Variants in CNNM2 observed in about 807,000 individuals in gnomAD.
CNNM2 encodes cyclin and CBS domain divalent metal cation transport mediator 2, also known as metal transporter CNNM2.
A neutral mutation model predicts 66.9 loss-of-function variants in CNNM2; 12 were observed. The observed-to-expected ratio is 0.18, with a 90% CI of 0.11 to 0.29. The LOEUF (loss-of-function observed/expected upper bound fraction) is 0.29. Ranked by LOEUF, CNNM2 falls within the 10% of genes least tolerant of loss-of-function variation. The probability of loss-of-function intolerance (pLI) is 1.00; values close to 1 mark genes in which losing one functional copy is unlikely to be tolerated. For missense variants in CNNM2, 705 were observed against 1,167.7 expected (o/e 0.60, Z 5.77); for synonymous variants, 557 against 501.8 (o/e 1.11, Z -1.47).
At chr10:102,996,525 G>A (rs938828734) in intron 1 of CNNM2, among the ~76,000 whole-genome samples, 12 of 152,062 alleles carry the variant, frequency 7.9e-5, no homozygotes, top group African/African-American at 1.7e-4. Context: ...GGCAACATAG[G>A]GAGACCTTGT....
At chr10:102,952,612 C>G (rs1267576913) in intron 1 of CNNM2, among the ~76,000 whole-genome samples, 1 of 140,650 alleles carries the variant, frequency 7.1e-6, no homozygotes, top group Non-Finnish European at 1.5e-5. Flanking sequence ...TAGTGAGACC[C>G]TGTCTCTACC....
At chr10:103,056,109 TA>T (rs1019986235) in intron 3 of CNNM2, among the ~76,000 whole-genome samples, 4 of 148,494 alleles carry the variant, frequency 2.7e-5, no homozygotes, top group African/African-American at 7.4e-5. Context: ...AAATTTAAAT[TA>T]AAAAAAAAGA....
intron 1 of CNNM2, among the ~76,000 whole-genome samples, chr10:102,923,278 G>A (rs1845724327): frequency 6.6e-6 from 1 of 152,162 alleles, no homozygotes; most frequent in Admixed American, 6.5e-5. Context: ...CATGATGATG[G>A]TGATGATTAT....
At chr10:102,985,510 C>G (rs372387020) in intron 1 of CNNM2, among the ~76,000 whole-genome samples, 8 of 152,232 alleles carry the variant, frequency 5.3e-5, no homozygotes, top group African/African-American at 9.6e-5. Flanking sequence ...AAGGGAATGG[C>G]TCTAAACTAA....
chr10:103,018,228 G>A (rs1388901381), intron 1 of CNNM2, among the ~76,000 whole-genome samples: 1 of 152,124 alleles, frequency 6.6e-6, no homozygotes, highest in African/African-American at 2.4e-5. Flanking sequence ...AGAGGTATGG[G>A]GGTGGTGAGA....
chr10:103,015,522 C>G (rs534275919), intron 1 of CNNM2, among the ~76,000 whole-genome samples: 1 of 152,280 alleles, frequency 6.6e-6, no homozygotes, highest in African/African-American at 2.4e-5. Flanking sequence ...ATACCGAGGA[C>G]CATCTCTAGC....
chr10:103,072,999 T>C (rs2065618250), intron 6 of CNNM2, among the ~76,000 whole-genome samples: 1 of 152,226 alleles, frequency 6.6e-6, no homozygotes, highest in Non-Finnish European at 1.5e-5. Context: ...ATGAAGAATG[T>C]GGACCTTTAT....
At chr10:103,071,559 G>C (rs887749576) in intron 5 of CNNM2, among the ~76,000 whole-genome samples, 1 of 152,164 alleles carries the variant, frequency 6.6e-6, no homozygotes, top group East Asian at 1.9e-4. Context: ...CAAACTCGTG[G>C]GTAGGATTTC....
chr10:102,935,646 GC>G (rs1846211654), intron 1 of CNNM2, among the ~76,000 whole-genome samples: 1 of 115,210 alleles, frequency 8.7e-6, no homozygotes, highest in South Asian at 2.7e-4. Context: ...TTGCTCTATT[GC>G]CCAGGATGGA....
chr10:103,028,694 A>G (rs543309030), intron 1 of CNNM2, among the ~76,000 whole-genome samples: 1 of 151,864 alleles, frequency 6.6e-6, no homozygotes, highest in East Asian at 1.9e-4. Context: ...TGTTTACTTC[A>G]TTGTGTCCCA....
intron 1 of CNNM2, among the ~76,000 whole-genome samples, chr10:102,971,027 C>CAA (rs201268107): frequency 2.4e-5 from 3 of 122,528 alleles, no homozygotes; most frequent in Non-Finnish European, 5.3e-5. Context: ...CCTGTCTCTA[C>CAA]AAAAAAAAAA....
At chr10:102,969,241 T>G (rs964430557) in intron 1 of CNNM2, among the ~76,000 whole-genome samples, 1 of 148,134 alleles carries the variant, frequency 6.8e-6, no homozygotes, top group African/African-American at 2.5e-5. Flanking sequence ...TGAGGCGGAG[T>G]CTCGCCCTGT....
At chr10:103,010,744 C>G (rs2064326491) in intron 1 of CNNM2, among the ~76,000 whole-genome samples, 1 of 152,012 alleles carries the variant, frequency 6.6e-6, no homozygotes, top group South Asian at 2.1e-4. Context: ...TCCGGAGTAG[C>G]TGGGATTATA....
chr10:102,979,043 A>G (rs1328402874), intron 1 of CNNM2, among the ~76,000 whole-genome samples: 1 of 152,162 alleles, frequency 6.6e-6, no homozygotes, highest in Non-Finnish European at 1.5e-5. Flanking sequence ...GGGCATTCAG[A>G]TAGTTCCCGG....
rs1223569721 is a variant in CNNM2, at chr10:103,077,489, TC to T, written c.*310del. 8.6e-6 allele frequency: 3 copies of T among 348,250 alleles called. No individual in the cohort carries two copies. Among genetic ancestry groups the T allele is most frequent in the African/African-American group, 6.2e-5 (3 of 48,740 alleles). 21.6% of individuals were successfully genotyped at this position (348,250 alleles called of 1,614,324 possible). A position where few individuals can be genotyped will look rare whatever the true frequency, so the allele number is the denominator to read the frequency against. ...TATCATTATTCACACTCCTCTGCCC[TC>T]GATTTGCATGAAGTTGAAAATTGTT... On this transcript the variant is annotated 3_prime_UTR_variant, in exon 8 of 8. Coordinates refer to ENST00000369878, the MANE Select transcript of CNNM2 (RefSeq NM_017649.5).
intron 1 of CNNM2, among the ~76,000 whole-genome samples, chr10:103,013,943 G>A (rs371776346): frequency 2.0e-5 from 3 of 152,144 alleles, no homozygotes; most frequent in African/African-American, 4.8e-5. Flanking sequence ...AGCTCTCATC[G>A]TCTAATCCCA....
In CNNM2 at chr10:103,076,847, G is replaced by A. The variant is rs961060085; in HGVS notation, c.2419-124G>A. On this transcript the variant is annotated intron_variant, in intron 7 of 7. Transcript: ENST00000369878. ...TGAACTTGACAAAGTGGCTCACTGC[G>A]CTCAAGTGTGATTTTCTCCTAGAGA... The A allele has an allele frequency of 8.5e-5, 71 of 838,782 alleles. No individual in the cohort carries two copies. In the Admixed American group the frequency reaches 1.3e-3, roughly 15 times the overall value. The allele number at this position is 838,782 out of a possible 1,614,324, so 52.0% of individuals were successfully genotyped here. A position where few individuals can be genotyped will look rare whatever the true frequency, so the allele number is the denominator to read the frequency against.
chr10:103,088,556 T>C lies in CNNM2; in HGVS notation c.*11376T>C, dbSNP rs2065985736. The stretch of plus-strand genomic sequence containing the variant: ...GCATGCACCACCACGCCCAGGTAAT[T>C]TTGTATTTTTAGTAGAGATGGGGTT... On this transcript the variant is annotated 3_prime_UTR_variant, in exon 8 of 8. Transcript: ENST00000369878. The C allele has an allele frequency of 6.5e-6, 1 of 153,150 alleles. No individual in the cohort carries two copies. Among genetic ancestry groups the C allele is most frequent in the Admixed American group, 6.5e-5 (1 of 15,296 alleles). 9.5% of individuals were successfully genotyped at this position (153,150 alleles called of 1,614,324 possible). A position where few individuals can be genotyped will look rare whatever the true frequency, so the allele number is the denominator to read the frequency against.
At position 103,086,423 on chromosome 10, in the gene CNNM2, TG is replaced by T. The variant is rs1389137682; in HGVS notation, c.*9246del. ...TAAATAGTTTCCATAACATGGAATG[TG>T]GGTAAGGTTCCTACCCTAATACAGA... On this transcript the variant is annotated 3_prime_UTR_variant, in exon 8 of 8. Transcript: ENST00000369878. The T allele has an allele frequency of 6.6e-6, 1 of 151,610 alleles. No homozygotes were observed. Among genetic ancestry groups the T allele is most frequent in the African/African-American group, 2.4e-5 (1 of 41,258 alleles). The allele number at this position is 151,610 out of a possible 1,614,324, so 9.4% of individuals were successfully genotyped here. A position where few individuals can be genotyped will look rare whatever the true frequency, so the allele number is the denominator to read the frequency against.
Sources: allele counts gnomAD v4.1 joint callset (sites outside exome capture counted in the v4.1 genomes callset), GRCh38; gene constraint gnomAD v4.1.1; transcripts MANE v1.5; gene names NCBI Gene and HGNC (gene_info 2026-07-23, HGNC 2026-07-21).